The following XRN2 variants were observed in gnomAD, a reference collection of about 807,000 sequenced individuals.
The protein encoded by XRN2 is 5'-3' exoribonuclease 2.
XRN2 carries 44 observed loss-of-function variants against 138.5 expected under a neutral mutation model. The ratio of observed to expected loss-of-function variants is 0.32; its 90% CI spans 0.25 to 0.41. The LOEUF is 0.41. Among genes scored for constraint, XRN2 ranks in the 10% least tolerant of loss-of-function variants. The probability of loss-of-function intolerance (pLI) is 1.00; values close to 1 mark genes in which losing one functional copy is unlikely to be tolerated. For synonymous variants in XRN2, 354 were observed against 369.4 expected (o/e 0.96, Z 0.48); for missense variants, 937 against 1,169.3 (o/e 0.80, Z 2.90).
At chr20:21,321,046 C>G (rs1158827922) in intron 1 of XRN2, among the ~76,000 whole-genome samples, 1 of 151,908 alleles carries the variant, frequency 6.6e-6, no homozygotes, top group Non-Finnish European at 1.5e-5. Context: ...GACAGGGTCT[C>G]ACTCTGTTGC....
chr20:21,321,566 C>T (rs190280144), intron 1 of XRN2, among the ~76,000 whole-genome samples: 5 of 152,086 alleles, frequency 3.3e-5, no homozygotes, highest in Admixed American at 6.5e-5. Flanking sequence ...GTGATTCTCC[C>T]GCTTCAGCCT....
rs377027800 is a variant in XRN2, at chr20:21,346,419, T to C, written c.1534T>C (p.Trp512Arg). 1 of 1,613,942 alleles carries C rather than the reference T, an allele frequency of 6.2e-7. No individual in the cohort carries two copies. The highest frequency in any genetic ancestry group is 1.3e-5 in the African/African-American group (1 of 74,900). The part of the protein sequence containing the change: ...EPEPEDNVRL[W>R]EAGWKQRYYK... ...ATGAGCTGTGCCTGGTTTTAGGTTA[T>C]GGGAAGCTGGCTGGAAGCAGCGGTA... Residue 512 changes from tryptophan (W) to arginine (R), a missense_variant, in exon 17 of 30, where the codon TGG (tryptophan) becomes CGG (arginine). By Grantham distance (101) the Trp-to-Arg change is moderately radical. Transcript: ENST00000377191.
intron 21 of XRN2, among the ~76,000 whole-genome samples, chr20:21,355,315 C>T (rs2038562771): frequency 6.6e-6 from 1 of 152,044 alleles, no homozygotes; most frequent in Non-Finnish European, 1.5e-5. Context: ...TGAAATATGA[C>T]ATAAAAGGAG....
At chr20:21,340,547 CATCAA>C (rs906962540) in intron 14 of XRN2, among the ~76,000 whole-genome samples, 169 bp from the exon 15 acceptor site, 2 of 152,028 alleles carry the variant, frequency 1.3e-5, no homozygotes, top group Admixed American at 6.5e-5. Flanking sequence ...TATAAGTTAC[CATCAA>C]ATCAAAGTGT....
intron 27 of XRN2, among the ~76,000 whole-genome samples, chr20:21,380,557 T>C (rs1369497886): frequency 6.6e-6 from 1 of 152,238 alleles, no homozygotes; most frequent in Non-Finnish European, 1.5e-5. Context: ...TGTCTTCCTC[T>C]GTTTTCTGTG....
intron 9 of XRN2, among the ~76,000 whole-genome samples, chr20:21,332,973 C>T (rs2038233725): frequency 6.6e-6 from 1 of 152,098 alleles, no homozygotes. Context: ...TTTAAAGGGG[C>T]TTCTGTTTCA....
chr20:21,351,574 C>G (rs748851561), intron 20 of XRN2, among the ~76,000 whole-genome samples: 13 of 152,128 alleles, frequency 8.5e-5, no homozygotes, highest in Admixed American at 2.6e-4. Flanking sequence ...TCCTTTGATG[C>G]ACACAAGTTT....
At position 21,331,549 on chromosome 20, in the gene XRN2, AT is replaced by A. The variant is rs773070666; in HGVS notation, c.577-5del. The A allele has an allele frequency of 6.5e-5, 105 of 1,605,746 alleles. No individual in the cohort carries two copies. Among genetic ancestry groups the A allele is most frequent in the Non-Finnish European group, 8.1e-5 (95 of 1,176,788 alleles). ...TGGGGATAATCTGAAAGTGTTAACA[AT>A]TTTTTTATAGGTTATTTTATCTGAT... On this transcript the variant is annotated splice_polypyrimidine_tract_variant and intron_variant, in intron 6 of 29. Transcript: ENST00000377191.
chr20:21,358,925 T>C (rs2038605899), intron 24 of XRN2, among the ~76,000 whole-genome samples: 1 of 152,106 alleles, frequency 6.6e-6, no homozygotes, highest in South Asian at 2.1e-4. Flanking sequence ...ACCCTTGGAG[T>C]CTCTGGCTTT....
At chr20:21,322,948 C>T (rs183788009) in intron 1 of XRN2, among the ~76,000 whole-genome samples, 1 of 152,342 alleles carries the variant, frequency 6.6e-6, no homozygotes, top group Admixed American at 6.5e-5. Context: ...GGGCACTGCA[C>T]TGCCTTTCTA....
At chr20:21,355,992 A>T in intron 21 of XRN2, 88 bp from the exon 22 acceptor site, 1 of 838,950 alleles carries the variant, frequency 1.2e-6, no homozygotes, top group Non-Finnish European at 1.9e-6. Flanking sequence ...TAACACTTAG[A>T]TGCTTTCCCT....
intron 6 of XRN2, among the ~76,000 whole-genome samples, chr20:21,331,358 C>G (rs949847052): frequency 1.3e-5 from 2 of 150,462 alleles, no homozygotes; most frequent in Non-Finnish European, 1.5e-5. Flanking sequence ...CACACCCCTT[C>G]TTTATTCAGA....
intron 27 of XRN2, among the ~76,000 whole-genome samples, chr20:21,375,165 T>C (rs1330073500): frequency 1.3e-5 from 2 of 151,464 alleles, no homozygotes; most frequent in Non-Finnish European, 3.0e-5. Flanking sequence ...TTTTCTTGAT[T>C]AGTGTTGCTA....
At chr20:21,361,404 G>GT (rs2038635718) in intron 24 of XRN2, among the ~76,000 whole-genome samples, 3 of 152,166 alleles carry the variant, frequency 2.0e-5, no homozygotes, top group Admixed American at 6.5e-5. Flanking sequence ...AGTCAACAGT[G>GT]TTTCACCTGC....
chr20:21,324,278 A>G (rs2038090755), intron 1 of XRN2, among the ~76,000 whole-genome samples: 1 of 151,990 alleles, frequency 6.6e-6, no homozygotes, highest in South Asian at 2.1e-4. Flanking sequence ...TTCTGCCTTA[A>G]ATCCCTTTTG....
chr20:21,308,622 A>G (rs1461468694), intron 1 of XRN2, among the ~76,000 whole-genome samples: 3 of 152,150 alleles, frequency 2.0e-5, no homozygotes, highest in African/African-American at 7.2e-5. Flanking sequence ...TCTGTATATC[A>G]TCACGGGCAG....
intron 1 of XRN2, among the ~76,000 whole-genome samples, chr20:21,315,501 C>CT (rs1568567107): frequency 1.3e-5 from 2 of 151,832 alleles, no homozygotes; most frequent in African/African-American, 4.8e-5. Flanking sequence ...CCTCTTCCCC[C>CT]TTTTTTTTGA....
intron 4 of XRN2, among the ~76,000 whole-genome samples, chr20:21,329,854 CTG>C (rs1458094984): frequency 1.8e-5 from 2 of 110,170 alleles, no homozygotes; most frequent in Non-Finnish European, 1.8e-5. Flanking sequence ...TGGCCTCTAA[CTG>C]GTGTGTGTGT....
chr20:21,384,744 C>G (rs894059197), intron 28 of XRN2, among the ~76,000 whole-genome samples: 11 of 152,306 alleles, frequency 7.2e-5, no homozygotes, highest in African/African-American at 2.2e-4. Context: ...CTGCCTGCCT[C>G]GGCCTCCTGG....
Sources: allele counts gnomAD v4.1 joint callset (sites outside exome capture counted in the v4.1 genomes callset), GRCh38; gene constraint gnomAD v4.1.1; transcripts MANE v1.5; gene names NCBI Gene and HGNC (gene_info 2026-07-23, HGNC 2026-07-21).